Variants in PEX7 observed in about 807,000 individuals in gnomAD.
The protein encoded by PEX7 is PTS2 receptor.
In PEX7, 34 loss-of-function variants were observed where a neutral mutation model predicts 47.5. That is an observed-to-expected ratio of 0.72 (90% CI 0.54 to 0.95). The LOEUF (loss-of-function observed/expected upper bound fraction) is 0.95. Among genes scored for constraint, PEX7 ranks in the 40% least tolerant of loss-of-function variants. PEX7 has a pLI of 0.00. For missense variants in PEX7, 394 were observed against 400.3 expected (o/e 0.98, Z 0.13); for synonymous variants, 141 against 148.8 (o/e 0.95, Z 0.38).
At chr6:136,863,450 C>T (rs749532098) in intron 5 of PEX7, among the ~76,000 whole-genome samples, 1 of 151,922 alleles carries the variant, frequency 6.6e-6, no homozygotes, top group Non-Finnish European at 1.5e-5. Flanking sequence ...ACATACAAAG[C>T]AGTAGTAGTA....
intron 5 of PEX7, among the ~76,000 whole-genome samples, chr6:136,863,461 C>T (rs1001862971): frequency 2.0e-5 from 3 of 152,012 alleles, no homozygotes; most frequent in East Asian, 3.9e-4. Context: ...AGTAGTAGTA[C>T]GTATTTATGG....
intron 5 of PEX7, among the ~76,000 whole-genome samples, chr6:136,862,066 A>C (rs1163076247): frequency 7.2e-6 from 1 of 138,946 alleles, no homozygotes; most frequent in Non-Finnish European, 1.5e-5. Context: ...TATTATATAT[A>C]TATAGTTTTT....
Position 136,869,930 on chromosome 6 carries a change from G to A in PEX7, c.674G>A (p.Gly225Asp), listed in dbSNP as rs768556145. 2 of 1,614,094 alleles carry A rather than the reference G, an allele frequency of 1.2e-6. No homozygotes were observed. The highest frequency in any genetic ancestry group is 1.7e-6 in the Non-Finnish European group (2 of 1,180,000). Residue 225 changes from glycine to aspartate, a missense_variant, in exon 7 of 10, where the codon GGC (glycine) becomes GAC (aspartate). By Grantham distance (94) the Gly-to-Asp change is moderately conservative (BLOSUM62 -1). Coordinates refer to ENST00000318471, the MANE Select transcript of PEX7 (RefSeq NM_000288.4). ...VTGAVDCSLR[G>D]WDLRNVRQPV... ...GGGGCGGTTGACTGTAGTTTGAGAG[G>A]CTGGGACTTAAGGAATGTACGACAA...
At chr6:136,873,100 G>A (rs1456111005) in intron 8 of PEX7, among the ~76,000 whole-genome samples, 2 of 152,046 alleles carry the variant, frequency 1.3e-5, no homozygotes, top group African/African-American at 2.4e-5. Flanking sequence ...TCCCATCCTT[G>A]TTGATTTTGT....
chr6:136,838,989 C>G (rs1334116981), intron 3 of PEX7, among the ~76,000 whole-genome samples: 1 of 152,000 alleles, frequency 6.6e-6, no homozygotes, highest in Non-Finnish European at 1.5e-5. Context: ...AGAGACCAGC[C>G]TGGGTAACAT....
At chr6:136,903,481 T>C (rs767602018) in intron 9 of PEX7, among the ~76,000 whole-genome samples, 2 of 151,848 alleles carry the variant, frequency 1.3e-5, no homozygotes, top group East Asian at 1.9e-4. Context: ...CCACCTAAGA[T>C]AATCTTTAGT....
At chr6:136,882,535 G>T (rs1775395162) in intron 8 of PEX7, among the ~76,000 whole-genome samples, 2 of 143,534 alleles carry the variant, frequency 1.4e-5, no homozygotes, top group Admixed American at 1.4e-4. Flanking sequence ...TTCAGCAAAA[G>T]ATCTTACCTT....
chr6:136,841,094 G>A (rs568072411), intron 3 of PEX7, among the ~76,000 whole-genome samples: 70 of 152,030 alleles, frequency 4.6e-4, no homozygotes, highest in Non-Finnish European at 8.7e-4. Flanking sequence ...CTTTCCCCCC[G>A]TGCCTAGTAC....
chr6:136,892,682 G>A (rs1775577768), intron 8 of PEX7, among the ~76,000 whole-genome samples: 1 of 152,146 alleles, frequency 6.6e-6, no homozygotes, highest in African/African-American at 2.4e-5. Context: ...CACTGTCCCT[G>A]AATTCAAGGA....
intron 5 of PEX7, among the ~76,000 whole-genome samples, chr6:136,865,686 G>T (rs1165748877): frequency 6.6e-6 from 1 of 152,224 alleles, no homozygotes; most frequent in Non-Finnish European, 1.5e-5. Context: ...GCTGAAGCAT[G>T]AGAATTGCTT....
chr6:136,907,039 A>G (rs1582782604), intron 9 of PEX7, among the ~76,000 whole-genome samples: 1 of 152,092 alleles, frequency 6.6e-6, no homozygotes, highest in African/African-American at 2.4e-5. Flanking sequence ...GTTATTTGTC[A>G]TATCCATGTT....
At chr6:136,842,382 T>G (rs1167137202) in intron 3 of PEX7, among the ~76,000 whole-genome samples, 1 of 152,240 alleles carries the variant, frequency 6.6e-6, no homozygotes, top group Non-Finnish European at 1.5e-5. Context: ...TGCTTGCTAC[T>G]TGGTTGTGCA....
Position 136,846,190 on chromosome 6 carries a change from T to C in PEX7, c.526+9T>C, listed in dbSNP as rs1774596590. ...TTTTGCTTCAGCCTCAGGTAAATTATTCTGTATTTACCAAAAGCCTTACTT... is the reference window on the plus strand; with the variant it reads ...TTTTGCTTCAGCCTCAGGTAAATTACTCTGTATTTACCAAAAGCCTTACTT... On this transcript the variant is annotated intron_variant, in intron 5 of 9. Transcript: ENST00000318471. 6.4e-7 allele frequency: 1 copy of C among 1,552,780 alleles called. No individual in the cohort carries two copies. Among genetic ancestry groups the C allele is most frequent in the Non-Finnish European group, 8.9e-7 (1 of 1,124,702 alleles).
At chr6:136,842,949 G>A (rs1479226176) in intron 3 of PEX7, among the ~76,000 whole-genome samples, 1 of 152,176 alleles carries the variant, frequency 6.6e-6, no homozygotes, top group Admixed American at 6.5e-5. Context: ...TAAGATCTGT[G>A]TATAGGTAAT....
chr6:136,877,914 T>A (rs1775304628), intron 8 of PEX7, among the ~76,000 whole-genome samples: 1 of 152,208 alleles, frequency 6.6e-6, no homozygotes, highest in Admixed American at 6.5e-5. Flanking sequence ...ATTTTCACGA[T>A]ATTGATTCTT....
intron 5 of PEX7, among the ~76,000 whole-genome samples, chr6:136,853,018 C>G (rs1435680193): frequency 6.7e-6 from 1 of 148,156 alleles, no homozygotes; most frequent in African/African-American, 2.5e-5. Context: ...ATATCTACAA[C>G]TATCTGATCT....
Position 136,900,390 on chromosome 6 carries a change from A to T in PEX7, c.903+2149A>T. 1 of 349,464 alleles carries T rather than the reference A, an allele frequency of 2.9e-6. No individual in the cohort carries two copies. The highest frequency in any genetic ancestry group is 5.7e-6 in the Non-Finnish European group (1 of 175,058). The allele number at this position is 349,464 out of a possible 1,614,324, so 21.6% of individuals were successfully genotyped here. A position where few individuals can be genotyped will look rare whatever the true frequency, so the allele number is the denominator to read the frequency against. On this transcript the variant is annotated intron_variant, in intron 9 of 9. Coordinates refer to ENST00000318471, the MANE Select transcript of PEX7 (RefSeq NM_000288.4). This position sits in a 1 kb window ranked among gnomAD's most constrained non-coding sequence, Gnocchi z 4.2. ...CAACCGTGTACATTTAATCCAGTTT[A>T]GTGGCAGGTTCTTTAGCCTTTGCCT...
At chr6:136,835,509 G>A (rs1054016832) in intron 3 of PEX7, among the ~76,000 whole-genome samples, 3 of 151,976 alleles carry the variant, frequency 2.0e-5, no homozygotes, top group Non-Finnish European at 4.4e-5. Context: ...GGCTGGTCTC[G>A]AACTCCTGAC....
At chr6:136,885,656 A>G (rs1775456214) in intron 8 of PEX7, among the ~76,000 whole-genome samples, 2 of 152,240 alleles carry the variant, frequency 1.3e-5, no homozygotes, top group African/African-American at 4.8e-5. Context: ...AAATGATAAA[A>G]ATGAAGGCTT....
Sources: allele counts gnomAD v4.1 joint callset (sites outside exome capture counted in the v4.1 genomes callset), GRCh38; gene constraint gnomAD v4.1.1; non-coding constraint Gnocchi (gnomAD v3.1); transcripts MANE v1.5; gene names NCBI Gene and HGNC (gene_info 2026-07-23, HGNC 2026-07-21).